PCDHGA2: variants seen among roughly 807,000 people sequenced by gnomAD.
The protein encoded by PCDHGA2 is protocadherin gamma-A2.
Under a neutral mutation model 59.2 loss-of-function variants are expected in PCDHGA2, and 40 were observed. The ratio of observed to expected loss-of-function variants is 0.68; its 90% CI spans 0.52 to 0.88. The LOEUF (loss-of-function observed/expected upper bound fraction) is 0.88, where lower values mean the gene tolerates loss of function less well. Among genes scored for constraint, PCDHGA2 ranks in the 40% least tolerant of loss-of-function variants. The pLI is 0.00. For missense variants in PCDHGA2, 1,226 were observed against 1,204.0 expected (o/e 1.02, Z -0.27); for synonymous variants, 560 against 526.0 (o/e 1.06, Z -0.89).
At chr5:141,506,308 G>A (rs941724820) in intron 3 of PCDHGA2, among the ~76,000 whole-genome samples, 8 of 152,100 alleles carry the variant, frequency 5.3e-5, no homozygotes. Flanking sequence ...AATTAGCTGG[G>A]CATGGTGGTG....
In PCDHGA2 at chr5:141,435,189, G is replaced by A. The variant is rs569176993; in HGVS notation, c.2425-59618G>A. Among the ~76,000 whole-genome samples the A allele has an allele frequency of 5.3e-5, 8 of 152,166 alleles. No homozygotes were observed. The South Asian group carries it at 8.3e-4, about 16-fold the overall frequency. On this transcript the variant is annotated intron_variant, in intron 1 of 3. Coordinates refer to ENST00000394576, the MANE Select transcript of PCDHGA2 (RefSeq NM_018915.4). ...GTGGCTTTTAACTACACTTGAGATGGCTAGCAAATTCATAAAGTGAATTTA... is the reference window on the plus strand; with the variant it reads ...GTGGCTTTTAACTACACTTGAGATGACTAGCAAATTCATAAAGTGAATTTA...
Position 141,432,503 on chromosome 5 carries a change from G to A in PCDHGA2, c.2425-62304G>A, listed in dbSNP as rs939325676. On this transcript the variant is annotated intron_variant, in intron 1 of 3. Transcript: ENST00000394576. This position sits in a 1 kb window ranked among gnomAD's most constrained non-coding sequence, Gnocchi z 6.0. ...TGGCGTGGAGCTGGCTCCCCGCTCC[G>A]CAGAGCCCGGCTACCTGGTGACCAA... 5 of 1,613,988 alleles carry A rather than the reference G, an allele frequency of 3.1e-6. No individual in the cohort carries two copies. Among genetic ancestry groups the A allele is most frequent in the Non-Finnish European group, 2.5e-6 (3 of 1,180,038 alleles).
At chr5:141,352,435 C>G (rs986564447) in intron 1 of PCDHGA2, 1 of 1,614,044 alleles carries the variant, frequency 6.2e-7, no homozygotes, top group South Asian at 1.1e-5. Context: ...GCTTTCAAAC[C>G]GGTCTCTGCT....
chr5:141,394,419 G>A, intron 1 of PCDHGA2: 1 of 1,614,224 alleles, frequency 6.2e-7, no homozygotes, highest in Non-Finnish European at 8.5e-7. Context: ...AACAGCCAGC[G>A]ACAGCGGGGA....
chr5:141,396,708 T>C (rs1402538886), intron 1 of PCDHGA2: 1 of 152,190 alleles, frequency 6.6e-6, no homozygotes, highest in Admixed American at 6.5e-5. Flanking sequence ...AGCATTTGAA[T>C]AAAGCTAATA....
chr5:141,391,749 G>A (rs147297013), intron 1 of PCDHGA2: 1 of 152,154 alleles, frequency 6.6e-6, no homozygotes, highest in African/African-American at 2.4e-5. Flanking sequence ...CTTATCCTTT[G>A]GCTTCTTAGT....
intron 1 of PCDHGA2, chr5:141,357,122 G>A (rs4329068): frequency 0.044 from 71,100 of 1,613,598 alleles, 1,723 homozygotes; most frequent in Middle Eastern, 0.06. Flanking sequence ...CTCAAGCAGA[G>A]GCTTGTAGTG....
rs778538278 is a variant in PCDHGA2 at position 141,371,482 on chromosome 5, G to A, written c.2424+30087G>A. The A allele has an allele frequency of 1.4e-5, 22 of 1,613,812 alleles. No individual in the cohort carries two copies. The African/African-American group carries it at 2.8e-4, about 21-fold the overall frequency. Reference sequence around the variant, plus strand: ...CATATACAAGAAGATGCTGAGCTGGGGACTGCCGTTGCCCTGATCAAAACA... The same window carrying A: ...CATATACAAGAAGATGCTGAGCTGGAGACTGCCGTTGCCCTGATCAAAACA... On this transcript the variant is annotated intron_variant, in intron 1 of 3. Coordinates refer to ENST00000394576, the MANE Select transcript of PCDHGA2 (RefSeq NM_018915.4).
Position 141,423,691 on chromosome 5 carries a change from T to C in PCDHGA2, c.2425-71116T>C. On this transcript the variant is annotated intron_variant, in intron 1 of 3. Coordinates refer to ENST00000394576, the MANE Select transcript of PCDHGA2 (RefSeq NM_018915.4). Reference sequence around the variant, plus strand: ...ATTTATTTCTCTGCCTCCTAATTGTTGGTGTCTTGGCACAAGTCTTTTAAG... The same window carrying C: ...ATTTATTTCTCTGCCTCCTAATTGTCGGTGTCTTGGCACAAGTCTTTTAAG... 5 of 1,506,830 alleles carry C rather than the reference T, an allele frequency of 3.3e-6. No individual in the cohort carries two copies. The South Asian group carries it at 6.9e-5, about 21-fold the overall frequency. 93.3% of individuals were successfully genotyped at this position (1,506,830 alleles called of 1,614,324 possible).
At chr5:141,351,310 C>G (rs775069628) in intron 1 of PCDHGA2, 2 of 1,613,816 alleles carry the variant, frequency 1.2e-6, no homozygotes, top group South Asian at 2.2e-5. Flanking sequence ...CCTTCTCTAA[C>G]CAGATTCCAG....
intron 1 of PCDHGA2, chr5:141,345,941 C>A (rs772670164): frequency 6.2e-7 from 1 of 1,613,582 alleles, no homozygotes; most frequent in Non-Finnish European, 8.5e-7. Context: ...TGGACAGAGA[C>A]GCGCTCAAGC....
At chr5:141,364,448 G>A in intron 1 of PCDHGA2, 1 of 1,613,978 alleles carries the variant, frequency 6.2e-7, no homozygotes, top group Non-Finnish European at 8.5e-7. Flanking sequence ...GGAGGAGCTG[G>A]ACAAAGGCTC....
At chr5:141,423,160 G>A (rs1272708122) in intron 1 of PCDHGA2, 16 of 1,613,046 alleles carry the variant, frequency 9.9e-6, no homozygotes, top group Non-Finnish European at 1.2e-5. Flanking sequence ...GAGCCTCGTG[G>A]TGGCCGTCCA....
chr5:141,351,300 C>G (rs1291549829), intron 1 of PCDHGA2: 1 of 1,613,856 alleles, frequency 6.2e-7, no homozygotes. Flanking sequence ...ACATTCATGT[C>G]CTTCTCTAAC....
At chr5:141,345,144 G>A (rs369622113) in intron 1 of PCDHGA2, 3 of 1,613,994 alleles carry the variant, frequency 1.9e-6, no homozygotes, top group East Asian at 2.2e-5. Context: ...TCTTATCGAC[G>A]TGCATGACCG....
chr5:141,364,999 C>T (rs1763663024), intron 1 of PCDHGA2: 4 of 1,613,862 alleles, frequency 2.5e-6, no homozygotes, highest in Non-Finnish European at 2.5e-6. Context: ...CGGTACTCTC[C>T]GGCACCACGC....
chr5:141,462,656 A>G (rs1427673992), intron 1 of PCDHGA2, among the ~76,000 whole-genome samples: 2 of 151,950 alleles, frequency 1.3e-5, no homozygotes, highest in African/African-American at 4.8e-5. Context: ...ATCCTCAATT[A>G]TCTTCATATT....
At chr5:141,389,605 A>T in intron 1 of PCDHGA2, 1 of 1,613,092 alleles carries the variant, frequency 6.2e-7, no homozygotes, top group Non-Finnish European at 8.5e-7. Context: ...GCGCTCTTCG[A>T]TATGGTGCCG....
chr5:141,394,729 A>T (rs765609733), intron 1 of PCDHGA2: 44 of 1,613,302 alleles, frequency 2.7e-5, no homozygotes, highest in African/African-American at 4.0e-5. Flanking sequence ...GATGCGCTCA[A>T]GCAGAGCCTC....
Sources: allele counts gnomAD v4.1 joint callset (sites outside exome capture counted in the v4.1 genomes callset), GRCh38; gene constraint gnomAD v4.1.1; non-coding constraint Gnocchi (gnomAD v3.1); transcripts MANE v1.5; gene names NCBI Gene and HGNC (gene_info 2026-07-23, HGNC 2026-07-21).